Variants in AP4E1 observed in about 807,000 individuals in gnomAD.
AP4E1 encodes the protein AP-4 complex subunit epsilon-1.
A neutral mutation model predicts 128.2 loss-of-function variants in AP4E1; 56 were observed. The observed-to-expected ratio is 0.44, with a 90% CI of 0.35 to 0.55. The LOEUF is 0.55. AP4E1 is among the 20% of genes least tolerant of loss of function. AP4E1 has a pLI of 0.00. For synonymous variants in AP4E1, 484 were observed against 473.1 expected (o/e 1.02, Z -0.30); for missense variants, 1,324 against 1,307.7 (o/e 1.01, Z -0.19).
chr15:50,921,396 T>G (rs1021434228), intron 3 of AP4E1, among the ~76,000 whole-genome samples: 5 of 152,226 alleles, frequency 3.3e-5, no homozygotes, highest in Admixed American at 3.3e-4. Flanking sequence ...TCACCCAGGC[T>G]GGAGTGCAGT....
chr15:50,915,943 G>A (rs1185533124), intron 3 of AP4E1: 2 of 213,142 alleles, frequency 9.4e-6, no homozygotes. Context: ...TTTTGTTGTT[G>A]TTGAGACAGA....
intron 14 of AP4E1, among the ~76,000 whole-genome samples, chr15:50,961,921 T>A (rs1459399726): frequency 1.3e-5 from 2 of 148,266 alleles, no homozygotes; most frequent in Non-Finnish European, 3.0e-5. Flanking sequence ...GATACAAAAA[T>A]CAACATACAA....
At chr15:50,910,140 C>G (rs148016613) in intron 1 of AP4E1, among the ~76,000 whole-genome samples, 4,081 of 152,304 alleles carry the variant, frequency 0.027, 182 homozygotes, top group African/African-American at 0.094. Context: ...GCGTATGCCA[C>G]TACGCCCGGC....
chr15:50,999,097 T>C lies in AP4E1; in HGVS notation c.2930T>C (p.Leu977Ser). Residue 977 changes from leucine to serine, a missense_variant, in exon 19 of 21, where the codon TTG (leucine) becomes TCG (serine). Coordinates refer to ENST00000261842, the MANE Select transcript of AP4E1 (RefSeq NM_007347.5). ...FKVTEQPGCCLPVMEAESTKS... is the reference protein window; with the variant it reads ...FKVTEQPGCCSPVMEAESTKS... The stretch of plus-strand genomic sequence containing the variant: ...GTGACTGAGCAACCTGGATGCTGTT[T>C]GCCTGTAATGGAAGCAGAAAGCACC... 2 of 1,614,036 alleles carry C rather than the reference T, an allele frequency of 1.2e-6. No individual in the cohort carries two copies. The highest frequency in any genetic ancestry group is 2.2e-5 in the East Asian group (1 of 44,848).
At chr15:50,963,524 G>A (rs1024238157) in intron 14 of AP4E1, among the ~76,000 whole-genome samples, 12 of 152,156 alleles carry the variant, frequency 7.9e-5, no homozygotes, top group African/African-American at 2.9e-4. Context: ...AGTTAAAAAT[G>A]TGCATCTTAT....
At chr15:50,910,546 G>C (rs907567372) in intron 1 of AP4E1, among the ~76,000 whole-genome samples, 1 of 152,196 alleles carries the variant, frequency 6.6e-6, no homozygotes, top group Non-Finnish European at 1.5e-5. Flanking sequence ...AGACAGAAAA[G>C]AAAGTGCTCT....
chr15:50,953,394 A>C (rs773384991), intron 13 of AP4E1, among the ~76,000 whole-genome samples: 18 of 152,200 alleles, frequency 1.2e-4, no homozygotes, highest in Non-Finnish European at 2.4e-4. Context: ...TCATGGTCTG[A>C]AAATAGGAAA....
chr15:50,977,193 G>A (rs188205301), intron 15 of AP4E1, among the ~76,000 whole-genome samples: 6,988 of 152,178 alleles, frequency 0.046, 525 homozygotes, highest in African/African-American at 0.16. Context: ...GTATGATTCC[G>A]TTGTCATACT....
intron 14 of AP4E1, among the ~76,000 whole-genome samples, chr15:50,964,070 T>C (rs1273705729): frequency 2.0e-5 from 3 of 152,244 alleles, no homozygotes; most frequent in Non-Finnish European, 4.4e-5. Flanking sequence ...GGGAAGTTTT[T>C]AGCTATTATT....
chr15:50,947,645 A>G (rs898644754), intron 10 of AP4E1, among the ~76,000 whole-genome samples: 1 of 152,170 alleles, frequency 6.6e-6, no homozygotes, highest in African/African-American at 2.4e-5. Flanking sequence ...ACACACATAC[A>G]TACACTTGCA....
chr15:50,949,997 A>C, intron 12 of AP4E1, 54 bp from the exon 13 acceptor site: 1 of 1,586,850 alleles, frequency 6.3e-7, no homozygotes, highest in Non-Finnish European at 8.7e-7. Context: ...TTTTTATTAC[A>C]GAGTCCTAAG....
In AP4E1 at chr15:50,958,503, A is replaced by G; in HGVS notation, c.1560A>G (p.Glu520=). ...TGTTTTATTTACAGGTATTAGGGGA[A>G]TATTCCTACCTCTTAGATAAGGAAA... is the stretch of plus-strand genomic sequence containing the variant. ...FLQVMSWVLG[E]YSYLLDKETP... is the part of the protein sequence containing the mutation. Residue 520 remains glutamate, a synonymous_variant, in exon 14 of 21, where the codon GAA becomes GAG. Transcript: ENST00000261842. 2 of 1,611,574 alleles carry G rather than the reference A, an allele frequency of 1.2e-6. No individual in the cohort carries two copies. The highest frequency in any genetic ancestry group is 1.1e-5 in the South Asian group (1 of 90,868).
intron 14 of AP4E1, among the ~76,000 whole-genome samples, chr15:50,961,771 A>G (rs997024313): frequency 2.6e-5 from 4 of 152,060 alleles, no homozygotes; most frequent in Non-Finnish European, 4.4e-5. Flanking sequence ...GGGCAAAAGA[A>G]AGAAATAAAG....
intron 16 of AP4E1, among the ~76,000 whole-genome samples, chr15:50,990,807 T>C (rs1197847759): frequency 2.6e-5 from 4 of 152,108 alleles, no homozygotes; most frequent in African/African-American, 9.6e-5. Context: ...TTGAGGCTCC[T>C]TTTAGGCTCC....
intron 7 of AP4E1, 111 bp downstream of exon 7, chr15:50,931,082 G>T: frequency 7.6e-7 from 1 of 1,309,250 alleles, no homozygotes; most frequent in Non-Finnish European, 1.1e-6. Flanking sequence ...TGTTTAATTG[G>T]CTTAATAGTG....
chr15:50,916,129 T>C (rs1026827765), intron 3 of AP4E1, among the ~76,000 whole-genome samples: 26 of 152,106 alleles, frequency 1.7e-4, no homozygotes, highest in Non-Finnish European at 3.4e-4. Context: ...GGGGTTTCAC[T>C]ATGTTGCATA....
At chr15:50,979,308 A>G (rs1444676629) in intron 15 of AP4E1, among the ~76,000 whole-genome samples, 3 of 152,180 alleles carry the variant, frequency 2.0e-5, no homozygotes, top group Non-Finnish European at 4.4e-5. Flanking sequence ...TTGGACTGTA[A>G]AAAGCTGATC....
chr15:50,945,501 T>A, intron 10 of AP4E1: 1 of 755,568 alleles, frequency 1.3e-6, no homozygotes, highest in Non-Finnish European at 2.4e-6. Flanking sequence ...TCCATATGGA[T>A]CATGTATCTG....
At chr15:51,001,753 T>G (rs2064966075) in intron 20 of AP4E1, among the ~76,000 whole-genome samples, 1 of 152,252 alleles carries the variant, frequency 6.6e-6, no homozygotes, top group Non-Finnish European at 1.5e-5. Context: ...TACTTCCACT[T>G]TTTGGCTATG....
Sources: allele counts gnomAD v4.1 joint callset (sites outside exome capture counted in the v4.1 genomes callset), GRCh38; gene constraint gnomAD v4.1.1; transcripts MANE v1.5; gene names NCBI Gene and HGNC (gene_info 2026-07-23, HGNC 2026-07-21).